Variants in DCC observed in about 807,000 individuals in gnomAD.
DCC encodes netrin receptor DCC.
A neutral mutation model predicts 172.5 loss-of-function variants in DCC; 58 were observed. That is an observed-to-expected ratio of 0.34 (90% CI 0.27 to 0.42). The LOEUF is 0.42. Ranked by LOEUF, DCC falls within the 10% of genes least tolerant of loss-of-function variation. The pLI is 1.00. For missense variants in DCC, 1,740 were observed against 1,791.0 expected (o/e 0.97, Z 0.51); for synonymous variants, 709 against 644.5 (o/e 1.10, Z -1.52).
intron 5 of DCC, chr18:52,931,975 T>C (rs536622784): frequency 6.6e-6 from 1 of 152,182 alleles, no homozygotes; most frequent in South Asian, 2.1e-4. Context: ...AAATGTTATA[T>C]GTAAACAGGG....
At chr18:52,415,464 A>G (rs1986989109) in intron 1 of DCC, among the ~76,000 whole-genome samples, 1 of 152,208 alleles carries the variant, frequency 6.6e-6, no homozygotes, top group Admixed American at 6.5e-5. Context: ...ACCAACAGCA[A>G]GGCACTGTGT....
intron 12 of DCC, among the ~76,000 whole-genome samples, chr18:53,251,783 T>C (rs1019271091): frequency 6.6e-6 from 1 of 151,938 alleles, no homozygotes; most frequent in African/African-American, 2.4e-5. Flanking sequence ...TGCTCATTGA[T>C]GAAGCACCAT....
In DCC at chr18:52,773,558, G is replaced by A. The variant is rs143942407; in HGVS notation, c.412+21184G>A. On this transcript the variant is annotated intron_variant, in intron 2 of 28. Coordinates refer to ENST00000442544, the MANE Select transcript of DCC (RefSeq NM_005215.4). Reference sequence around the variant, plus strand: ...TCTATATATTTTGAGACAGAGTCTCGCTGTGTCTCCCAGGCTGGAGTACAG... The same window carrying A: ...TCTATATATTTTGAGACAGAGTCTCACTGTGTCTCCCAGGCTGGAGTACAG... Among the ~76,000 whole-genome samples, 953 of 151,528 alleles carry A rather than the reference G, an allele frequency of 6.3e-3. 17 individuals are homozygous for A. The highest frequency in any genetic ancestry group is 0.022 in the African/African-American group (910 of 41,226).
At chr18:52,875,809 C>T (rs1301375312) in intron 2 of DCC, among the ~76,000 whole-genome samples, 1 of 152,146 alleles carries the variant, frequency 6.6e-6, no homozygotes, top group African/African-American at 2.4e-5. Context: ...CTTTTCTTCT[C>T]CCAATTGAAG....
At chr18:53,362,744 T>C (rs758363005) in intron 15 of DCC, among the ~76,000 whole-genome samples, 1 of 152,180 alleles carries the variant, frequency 6.6e-6, no homozygotes, top group African/African-American at 2.4e-5. Flanking sequence ...TATTTTATTA[T>C]TAGACATTGA....
At chr18:52,468,642 C>G (rs964009977) in intron 1 of DCC, among the ~76,000 whole-genome samples, 2 of 152,072 alleles carry the variant, frequency 1.3e-5, no homozygotes, top group Non-Finnish European at 2.9e-5. Flanking sequence ...AAATTACTGC[C>G]CCAGCCAACC....
chr18:53,418,586 G>T (rs1910455241), intron 21 of DCC, among the ~76,000 whole-genome samples: 1 of 152,084 alleles, frequency 6.6e-6, no homozygotes, highest in Non-Finnish European at 1.5e-5. Context: ...GGCATCTGGG[G>T]TCAGAATTAA....
intron 25 of DCC, among the ~76,000 whole-genome samples, chr18:53,472,291 G>C (rs1165283849): frequency 6.6e-6 from 1 of 152,112 alleles, no homozygotes; most frequent in Non-Finnish European, 1.5e-5. Context: ...GCTAGTACGT[G>C]CTATAGCCAG....
In DCC at chr18:53,066,061, C is replaced by T. The variant is rs748884864; in HGVS notation, c.1156C>T (p.Arg386Trp). 3.6e-5 allele frequency: 58 copies of T among 1,612,916 alleles called. No individual in the cohort carries two copies. The highest frequency in any genetic ancestry group is 4.6e-5 in the Non-Finnish European group (54 of 1,179,432). ...YFQIVGGSNL[R>W]ILGVVKSDEG... ...TTTTCCCTAGGGAGGAAGCAACTTA[C>T]GGATACTTGGGGTGGTGAAGTCAGA... is the stretch of plus-strand genomic sequence containing the variant. The change falls in exon 7 of 29, where the codon CGG becomes TGG. Residue 386 changes from arginine (R) to tryptophan (W), a missense_variant. By Grantham distance (101) the Arg-to-Trp change is moderately radical. Around this residue, in one of 2 missense-constraint regions of DCC, gnomAD observed 1,732 missense variants for 1,767.4 expected, o/e 0.98. Coordinates refer to ENST00000442544, the MANE Select transcript of DCC (RefSeq NM_005215.4).
At chr18:53,026,584 ATC>A (rs1315368491) in intron 5 of DCC, among the ~76,000 whole-genome samples, 2 of 152,232 alleles carry the variant, frequency 1.3e-5, no homozygotes, top group East Asian at 3.9e-4. Context: ...TAGACAGGGT[ATC>A]TCTCTGTCAC....
At chr18:52,411,493 A>G (rs765685502) in intron 1 of DCC, among the ~76,000 whole-genome samples, 1 of 152,130 alleles carries the variant, frequency 6.6e-6, no homozygotes, top group Non-Finnish European at 1.5e-5. Context: ...CTTTTCTGTT[A>G]ATGAGAAAAT....
chr18:52,381,380 C>A (rs1985577591), intron 1 of DCC, among the ~76,000 whole-genome samples: 1 of 152,102 alleles, frequency 6.6e-6, no homozygotes, highest in Non-Finnish European at 1.5e-5. Context: ...AAAACCTTAT[C>A]AAATAATACA....
At chr18:52,700,337 C>A (rs1311971987) in intron 1 of DCC, among the ~76,000 whole-genome samples, 1 of 145,616 alleles carries the variant, frequency 6.9e-6, no homozygotes, top group Non-Finnish European at 1.5e-5. Context: ...GAATGCACAC[C>A]CATGCACACT....
intron 5 of DCC, among the ~76,000 whole-genome samples, chr18:53,061,200 C>A (rs913611076): frequency 6.6e-6 from 1 of 152,040 alleles, no homozygotes; most frequent in Non-Finnish European, 1.5e-5. Flanking sequence ...AGATTTAAAT[C>A]CAGCCCAATC....
At chr18:53,352,949 T>A (rs1342866423) in intron 15 of DCC, among the ~76,000 whole-genome samples, 2 of 152,196 alleles carry the variant, frequency 1.3e-5, no homozygotes, top group East Asian at 1.9e-4. Flanking sequence ...ATATTATATA[T>A]CTTGACCTTA....
In DCC at chr18:52,834,909, A is replaced by ATG. The variant is rs1598850906; in HGVS notation, c.413-71134_413-71133insGT. Among the ~76,000 whole-genome samples, 3 of 151,272 alleles carry ATG rather than the reference A, an allele frequency of 2.0e-5. No homozygotes were observed. The East Asian group carries it at 5.8e-4, about 29-fold the overall frequency. On this transcript the variant is annotated intron_variant, in intron 2 of 28. Transcript: ENST00000442544. ...ATGTGTTTATGTGTGTGCATACACT[A>ATG]TATATGTATATGTATATTGGACATA...
At chr18:53,235,781 C>G (rs900298872) in intron 12 of DCC, among the ~76,000 whole-genome samples, 1 of 152,102 alleles carries the variant, frequency 6.6e-6, no homozygotes, top group Non-Finnish European at 1.5e-5. Context: ...CATCGCCGTT[C>G]CCCTCTTCCC....
At chr18:53,207,878 T>G in intron 11 of DCC, 61 bp downstream of exon 11, 1 of 1,428,024 alleles carries the variant, frequency 7.0e-7, no homozygotes, top group Non-Finnish European at 9.9e-7. Context: ...AATAATGACA[T>G]GATATTGCAC....
chr18:52,561,211 T>C (rs554021407), intron 1 of DCC, among the ~76,000 whole-genome samples: 2 of 152,028 alleles, frequency 1.3e-5, no homozygotes, highest in South Asian at 4.1e-4. Context: ...TAAATATGAT[T>C]TAGAATAAAA....
Sources: allele counts gnomAD v4.1 joint callset (sites outside exome capture counted in the v4.1 genomes callset), GRCh38; gene constraint gnomAD v4.1.1; regional missense constraint gnomAD v4.1.1; transcripts MANE v1.5; gene names NCBI Gene and HGNC (gene_info 2026-07-23, HGNC 2026-07-21).